Variants in FKBP9 observed in about 807,000 individuals in gnomAD.
FKBP9 encodes FKBP prolyl isomerase 9, also known as peptidyl-prolyl cis-trans isomerase FKBP9.
FKBP9 carries 27 observed loss-of-function variants against 55.6 expected under a neutral mutation model. The observed-to-expected ratio is 0.49, with a 90% CI of 0.36 to 0.67. The LOEUF is 0.67. FKBP9 is among the 30% of genes least tolerant of loss of function. The probability of loss-of-function intolerance (pLI) is 0.00; values close to 1 mark genes in which losing one functional copy is unlikely to be tolerated. For synonymous variants in FKBP9, 267 were observed against 296.5 expected (o/e 0.90, Z 1.02); for missense variants, 539 against 742.8 (o/e 0.73, Z 3.19).
chr7:32,977,880 TATGTATATATAC>T (rs1312397006), intron 4 of FKBP9, among the ~76,000 whole-genome samples: 2 of 138,594 alleles, frequency 1.4e-5, no homozygotes, highest in African/African-American at 2.8e-5. Context: ...CATATATATA[TATGTATATATAC>T]ACTCATATAT....
In FKBP9 at chr7:33,003,774, G is replaced by A. The variant is rs140027872; in HGVS notation, c.1536+935G>A. Among the ~76,000 whole-genome samples, 1,293 of 152,206 alleles carry A rather than the reference G, an allele frequency of 8.5e-3. 22 individuals carry two copies. Among genetic ancestry groups the A allele is most frequent in the African/African-American group, 0.03 (1,240 of 41,516 alleles). On this transcript the variant is annotated intron_variant, in intron 9 of 9. Coordinates refer to ENST00000242209, the MANE Select transcript of FKBP9 (RefSeq NM_007270.5). ...CCTCTCAGGCCTCTTGTCCCTGATC[G>A]CTTCATGTTGGAGTACCCCGGGCTA...
chr7:33,001,601 C>G (rs1315383635), intron 8 of FKBP9, among the ~76,000 whole-genome samples: 2 of 151,512 alleles, frequency 1.3e-5, no homozygotes, highest in African/African-American at 4.8e-5. Context: ...AATTATAATA[C>G]ATAGCATATT....
intron 5 of FKBP9, among the ~76,000 whole-genome samples, chr7:32,988,194 A>G (rs1334794018): frequency 6.6e-6 from 1 of 152,164 alleles, no homozygotes; most frequent in Non-Finnish European, 1.5e-5. Flanking sequence ...AGAAAAAGAA[A>G]GTATAGTGTT....
intron 1 of FKBP9, among the ~76,000 whole-genome samples, chr7:32,973,892 G>A (rs1360219051): frequency 4.8e-5 from 7 of 146,352 alleles, no homozygotes; most frequent in Non-Finnish European, 7.5e-5. Context: ...GGGTTTCACC[G>A]TGTTGGCCAG....
intron 7 of FKBP9, among the ~76,000 whole-genome samples, chr7:32,999,352 T>A (rs1784883489): frequency 6.6e-6 from 1 of 152,004 alleles, no homozygotes; most frequent in African/African-American, 2.4e-5. Flanking sequence ...TAGGAAGTGA[T>A]AGGAATGGCA....
intron 1 of FKBP9, among the ~76,000 whole-genome samples, chr7:32,973,894 G>A (rs1200601785): frequency 6.8e-6 from 1 of 147,218 alleles, no homozygotes; most frequent in East Asian, 2.0e-4. Flanking sequence ...GTTTCACCGT[G>A]TTGGCCAGGC....
At chr7:32,979,439 C>T (rs930875014) in intron 4 of FKBP9, 29 of 1,296,594 alleles carry the variant, frequency 2.2e-5, no homozygotes, top group South Asian at 5.1e-5. Flanking sequence ...ACTCAGCAGC[C>T]GGCTTTCAGC....
chr7:32,959,322 G>A (rs767001760), intron 1 of FKBP9, among the ~76,000 whole-genome samples: 5 of 152,336 alleles, frequency 3.3e-5, no homozygotes, highest in East Asian at 1.9e-4. Flanking sequence ...GGAGAATGGC[G>A]TGAACCTGGG....
chr7:32,977,871 A>G lies in FKBP9; in HGVS notation c.703+1372A>G, dbSNP rs1784393140. On this transcript the variant is annotated intron_variant, in intron 4 of 9. Coordinates refer to ENST00000242209, the MANE Select transcript of FKBP9 (RefSeq NM_007270.5). ...CACTCATATATATATATACATGCCC[A>G]TATATATATATGTATATATACACTC... Among the ~76,000 whole-genome samples the G allele has an allele frequency of 5.8e-5, 3 of 51,588 alleles. No homozygotes were observed. The South Asian group carries it at 1.7e-3, about 30-fold the overall frequency. 33.8% of individuals were successfully genotyped at this position (51,588 alleles called of 152,430 possible). A position where few individuals can be genotyped will look rare whatever the true frequency, so the allele number is the denominator to read the frequency against.
chr7:32,968,454 T>A (rs997842138), intron 1 of FKBP9, among the ~76,000 whole-genome samples: 1 of 152,180 alleles, frequency 6.6e-6, no homozygotes, highest in African/African-American at 2.4e-5. Flanking sequence ...CCCATCAAAG[T>A]GCACAAAGAT....
chr7:33,000,120 AT>A lies in FKBP9; in HGVS notation c.1235del (p.Leu412Ter). 1 of 1,614,146 alleles carries A rather than the reference AT, an allele frequency of 6.2e-7. No homozygotes were observed. Among genetic ancestry groups the A allele is most frequent in the African/African-American group, 1.3e-5 (1 of 75,026 alleles). Reference protein sequence around the residue: ...LDGTLLDSTWNLGKTYNIVLG... With the variant: ...LDGTLLDSTWXLGKTYNIVLG... ...GCTCTTCTGTTTCATTTTAGGTGGA[AT>A]TTAGGCAAAACTTACAATATTGTTC... On this transcript the variant is annotated frameshift_variant, in exon 8 of 10. Coordinates refer to ENST00000242209, the MANE Select transcript of FKBP9 (RefSeq NM_007270.5). LOFTEE classifies it high-confidence loss of function.
intron 7 of FKBP9, among the ~76,000 whole-genome samples, chr7:32,999,830 C>T (rs1300094935): frequency 3.3e-5 from 5 of 152,080 alleles, no homozygotes; most frequent in African/African-American, 1.2e-4. Flanking sequence ...GCAGCCTCCA[C>T]CTCCTGGGCT....
intron 1 of FKBP9, among the ~76,000 whole-genome samples, chr7:32,967,818 G>A (rs577843329): frequency 6.4e-4 from 97 of 152,170 alleles, no homozygotes; most frequent in Non-Finnish European, 1.1e-3. Context: ...ACAGTAGTGC[G>A]ATCTCAGCTC....
At chr7:32,999,765 CAG>C (rs1417759609) in intron 7 of FKBP9, among the ~76,000 whole-genome samples, 16 of 152,050 alleles carry the variant, frequency 1.1e-4, no homozygotes, top group Non-Finnish European at 1.6e-4. Flanking sequence ...GTTTTTGAGA[CAG>C]AGTCTCACTC....
chr7:32,974,863 T>C lies in FKBP9; in HGVS notation c.367+101T>C, dbSNP rs1238734480. 4.2e-5 allele frequency: 49 copies of C among 1,163,520 alleles called. No homozygotes were observed. In the East Asian group the frequency reaches 6.6e-4, roughly 16 times the overall value. 72.1% of individuals were successfully genotyped at this position (1,163,520 alleles called of 1,614,324 possible). A position where few individuals can be genotyped will look rare whatever the true frequency, so the allele number is the denominator to read the frequency against. ...ACTGGAGAATCTTGGAAGCTTTAGA[T>C]TGGGGGAAAATGAAAAGCAGTGAAC... On this transcript the variant is annotated intron_variant, in intron 2 of 9. Transcript: ENST00000242209.
chr7:32,965,812 A>AAAATATATATAT (rs1554284289), intron 1 of FKBP9, among the ~76,000 whole-genome samples: 5 of 34,940 alleles, frequency 1.4e-4, no homozygotes, highest in African/African-American at 6.1e-4. Flanking sequence ...AAAAAAAAAA[A>AAAATATATATAT]ATATATATAT....
chr7:32,961,147 CTG>C (rs1344720419), intron 1 of FKBP9, among the ~76,000 whole-genome samples: 9 of 152,092 alleles, frequency 5.9e-5, no homozygotes, highest in Non-Finnish European at 1.3e-4. Context: ...ATTTTTGTGT[CTG>C]TGTGTGGGGG....
chr7:32,959,296 G>A (rs1783971034), intron 1 of FKBP9, among the ~76,000 whole-genome samples: 1 of 152,126 alleles, frequency 6.6e-6, no homozygotes, highest in African/African-American at 2.4e-5. Flanking sequence ...TCCCAACTAC[G>A]CGGGAGGTTG....
At position 32,980,432 on chromosome 7, in the gene FKBP9, G is replaced by C. The variant is rs2127982783; in HGVS notation, c.772G>C (p.Asp258His). Residue 258 changes from aspartate to histidine, a missense_variant, in exon 5 of 10, where the codon GAC becomes CAC. Around this residue, in one of 4 missense-constraint regions of FKBP9, gnomAD observed 172 missense variants for 205.3 expected, o/e 0.84. Coordinates refer to ENST00000242209, the MANE Select transcript of FKBP9 (RefSeq NM_007270.5). ...ATTATTGGACCTCCATAACCCCAAG[G>C]ACAGCATTTCCATTGAGAACAAGGT... The part of the protein sequence containing the change: ...VALLDLHNPK[D>H]SISIENKVVP... The C allele has an allele frequency of 6.2e-7, 1 of 1,613,746 alleles. No homozygotes were observed. Among genetic ancestry groups the C allele is most frequent in the Middle Eastern group, 1.7e-4 (1 of 6,056 alleles).
Sources: allele counts gnomAD v4.1 joint callset (sites outside exome capture counted in the v4.1 genomes callset), GRCh38; gene constraint gnomAD v4.1.1; regional missense constraint gnomAD v4.1.1; transcripts MANE v1.5; gene names NCBI Gene and HGNC (gene_info 2026-07-23, HGNC 2026-07-21).